Variants in PDE4D observed in about 807,000 individuals in gnomAD.
PDE4D encodes the protein phosphodiesterase 4D.
A neutral mutation model predicts 87.4 loss-of-function variants in PDE4D; 24 were observed. That is an observed-to-expected ratio of 0.27 (90% CI 0.20 to 0.39). The LOEUF is 0.39. PDE4D is among the 10% of genes least tolerant of loss of function. PDE4D has a pLI of 1.00. For synonymous variants in PDE4D, 384 were observed against 383.2 expected, an observed-to-expected ratio of 1.00 and a Z score of -0.02; for missense variants, 714 against 1,041.0, an observed-to-expected ratio of 0.69 and a Z score of 4.32.
chr5:60,402,845 C>T (rs1270578355), intron 1 of PDE4D, among the ~76,000 whole-genome samples: 1 of 152,152 alleles, frequency 6.6e-6, no homozygotes, highest in Non-Finnish European at 1.5e-5. Flanking sequence ...GTCCCTTATG[C>T]TCTTATTATC....
chr5:60,129,239 TC>T (rs1267245867), intron 2 of PDE4D, among the ~76,000 whole-genome samples: 1 of 152,216 alleles, frequency 6.6e-6, no homozygotes, highest in Non-Finnish European at 1.5e-5. Context: ...TGCCGAGGAA[TC>T]TTTATAGAAA....
chr5:59,048,790 C>T (rs975082100), intron 5 of PDE4D, among the ~76,000 whole-genome samples: 1 of 152,230 alleles, frequency 6.6e-6, no homozygotes, highest in Non-Finnish European at 1.5e-5. Context: ...CCATCCAATA[C>T]TTTGCCAGTT....
chr5:59,320,758 C>T (rs912241117), intron 1 of PDE4D, among the ~76,000 whole-genome samples: 2 of 151,842 alleles, frequency 1.3e-5, no homozygotes, highest in Non-Finnish European at 2.9e-5. Flanking sequence ...CTTAGAGCAC[C>T]GCTATTTCCC....
At chr5:60,192,919 C>T (rs529951373) in intron 1 of PDE4D, among the ~76,000 whole-genome samples, 3 of 152,190 alleles carry the variant, frequency 2.0e-5, no homozygotes, top group African/African-American at 7.2e-5. Flanking sequence ...GTTTTTTGTT[C>T]GTGGAATTGT....
chr5:60,020,925 G>A (rs1382711817), intron 2 of PDE4D, among the ~76,000 whole-genome samples: 1 of 152,204 alleles, frequency 6.6e-6, no homozygotes, highest in Non-Finnish European at 1.5e-5. Flanking sequence ...AGCTCTGAAG[G>A]AAGTGGAAGG....
chr5:59,645,238 G>A (rs183028828), intron 1 of PDE4D, among the ~76,000 whole-genome samples: 123 of 152,256 alleles, frequency 8.1e-4, no homozygotes, highest in African/African-American at 2.6e-3. Context: ...TGGATTTACC[G>A]TGAGGCTAGG....
chr5:59,339,511 T>C (rs1778330322), intron 1 of PDE4D, among the ~76,000 whole-genome samples: 1 of 152,246 alleles, frequency 6.6e-6, no homozygotes, highest in Admixed American at 6.5e-5. Context: ...TAAACAGTTT[T>C]TTAGCAATTC....
chr5:59,309,663 C>A (rs1023499308), intron 1 of PDE4D, among the ~76,000 whole-genome samples: 2 of 152,152 alleles, frequency 1.3e-5, no homozygotes, highest in African/African-American at 4.8e-5. Context: ...GTGTGTGGGT[C>A]CTCTCAAGGT....
At chr5:59,118,228 C>T (rs1312044742) in intron 5 of PDE4D, among the ~76,000 whole-genome samples, 1 of 152,148 alleles carries the variant, frequency 6.6e-6, no homozygotes, top group Non-Finnish European at 1.5e-5. Flanking sequence ...ACCTTGGTAA[C>T]TTTCCAAAGG....
chr5:60,502,337 G>C (rs1308388275), intron 1 of PDE4D, among the ~76,000 whole-genome samples: 1 of 152,084 alleles, frequency 6.6e-6, no homozygotes, highest in Non-Finnish European at 1.5e-5. Context: ...ATTTCTGAGG[G>C]CTCTGTTCTG....
At chr5:60,013,144 T>G (rs373827964) in intron 2 of PDE4D, among the ~76,000 whole-genome samples, 1 of 152,186 alleles carries the variant, frequency 6.6e-6, no homozygotes, top group African/African-American at 2.4e-5. Flanking sequence ...GGACCCCGTA[T>G]AATCCTGACT....
chr5:59,226,929 A>C (rs1257480367), intron 1 of PDE4D, among the ~76,000 whole-genome samples: 1 of 152,178 alleles, frequency 6.6e-6, no homozygotes, highest in Non-Finnish European at 1.5e-5. Context: ...GATTGAGAAT[A>C]AAACAAGTAG....
At chr5:59,264,640 A>G (rs553730487) in intron 1 of PDE4D, among the ~76,000 whole-genome samples, 2 of 152,100 alleles carry the variant, frequency 1.3e-5, no homozygotes, top group South Asian at 2.1e-4. Context: ...TTTTTTCCCA[A>G]GCTGGTGAAC....
At chr5:59,783,951 G>A (rs1447698083) in intron 1 of PDE4D, among the ~76,000 whole-genome samples, 1 of 152,130 alleles carries the variant, frequency 6.6e-6, no homozygotes, top group East Asian at 1.9e-4. Context: ...TTAGCTATTT[G>A]GGAGGCTGAG....
chr5:59,376,813 C>T (rs574706110), intron 1 of PDE4D, among the ~76,000 whole-genome samples: 4 of 152,268 alleles, frequency 2.6e-5, no homozygotes, highest in African/African-American at 9.6e-5. Context: ...ACCAAAACGG[C>T]ATGGTACTGG....
At chr5:60,033,912 T>C (rs1767514917) in intron 2 of PDE4D, among the ~76,000 whole-genome samples, 1 of 152,152 alleles carries the variant, frequency 6.6e-6, no homozygotes, top group Admixed American at 6.5e-5. Context: ...AGTTCCAGGA[T>C]GAAATAAAAA....
chr5:60,230,065 A>T (rs1013540832), intron 1 of PDE4D, among the ~76,000 whole-genome samples: 2 of 152,136 alleles, frequency 1.3e-5, no homozygotes, highest in African/African-American at 4.8e-5. Context: ...GAAAGGACAC[A>T]TCAAAATAGG....
chr5:59,354,484 T>C (rs930983372), intron 1 of PDE4D, among the ~76,000 whole-genome samples: 1 of 152,180 alleles, frequency 6.6e-6, no homozygotes, highest in Non-Finnish European at 1.5e-5. Flanking sequence ...TGTGCGTGCA[T>C]GTGCCTGTGT....
intron 2 of PDE4D, among the ~76,000 whole-genome samples, chr5:60,018,000 G>A (rs1247796905): frequency 2.0e-5 from 3 of 152,098 alleles, no homozygotes; most frequent in African/African-American, 4.8e-5. Context: ...TGACCGGCAT[G>A]AGATGGTATC....
Sources: allele counts gnomAD v4.1 joint callset (sites outside exome capture counted in the v4.1 genomes callset), GRCh38; gene constraint gnomAD v4.1.1; transcripts MANE v1.5; gene names NCBI Gene and HGNC (gene_info 2026-07-23, HGNC 2026-07-21).